The following ARHGAP15 variants were observed in gnomAD, a reference collection of about 807,000 sequenced individuals.
ARHGAP15 encodes the protein Rho GTPase activating protein 15.
A neutral mutation model predicts 63.7 loss-of-function variants in ARHGAP15; 51 were observed. The ratio of observed to expected loss-of-function variants is 0.80; its 90% CI spans 0.64 to 1.01. The LOEUF (loss-of-function observed/expected upper bound fraction) is 1.01, where lower values mean the gene tolerates loss of function less well. Ranked by LOEUF, ARHGAP15 falls within the 50% of genes least tolerant of loss-of-function variation. The probability of loss-of-function intolerance (pLI) is 0.00; values close to 1 mark genes in which losing one functional copy is unlikely to be tolerated. For missense variants in ARHGAP15, 560 were observed against 564.6 expected (o/e 0.99, Z 0.08); for synonymous variants, 191 against 193.8 (o/e 0.99, Z 0.12).
chr2:143,738,451 A>G (rs985986428), intron 13 of ARHGAP15, among the ~76,000 whole-genome samples: 5 of 152,148 alleles, frequency 3.3e-5, no homozygotes, highest in African/African-American at 7.2e-5. Flanking sequence ...AGATACCAAT[A>G]TTGTATAGGT....
chr2:143,246,799 C>A (rs1246778174), intron 5 of ARHGAP15, among the ~76,000 whole-genome samples: 1 of 151,994 alleles, frequency 6.6e-6, no homozygotes, highest in African/African-American at 2.4e-5. Flanking sequence ...ATCAGAAACA[C>A]ACGGATAAGA....
chr2:143,725,860 G>T (rs1315056380), intron 13 of ARHGAP15, among the ~76,000 whole-genome samples: 6 of 152,162 alleles, frequency 3.9e-5, no homozygotes, highest in Admixed American at 1.3e-4. Context: ...GGGACCAAAT[G>T]ATTTTTCCCC....
chr2:143,485,556 A>G lies in ARHGAP15; in HGVS notation c.704-1817A>G, dbSNP rs1574514472. Among the ~76,000 whole-genome samples, 3 of 152,140 alleles carry G rather than the reference A, an allele frequency of 2.0e-5. No individual in the cohort carries two copies. The South Asian group carries it at 6.2e-4, about 32-fold the overall frequency. ...ATAAATGAGAACTTCAGATGGCCCT[A>G]TAATTTTTCCAATCAGTTTAAGGCA... On this transcript the variant is annotated intron_variant, in intron 8 of 13. Transcript: ENST00000295095.
rs150774503 is a variant in ARHGAP15 at position 143,181,881 on chromosome 2, A to G, written c.166-20253A>G. 3.4e-3 allele frequency among the ~76,000 whole-genome samples: 520 copies of G among 152,108 alleles called. 7 individuals are homozygous for G. Among genetic ancestry groups the G allele is most frequent in the African/African-American group, 0.012 (498 of 41,492 alleles). ...ACAACTTGACTGGCACATAAAGCCT[A>G]GATTTCAGCTTAACTTGGTTTTTGA... On this transcript the variant is annotated intron_variant, in intron 2 of 13. Transcript: ENST00000295095.
At position 143,250,038 on chromosome 2, in the gene ARHGAP15, C is replaced by A. The variant is rs187591112; in HGVS notation, c.385-473C>A. Among the ~76,000 whole-genome samples, 3 of 152,170 alleles carry A rather than the reference C, an allele frequency of 2.0e-5. No homozygotes were observed. In the South Asian group the frequency reaches 6.2e-4, roughly 31 times the overall value. Reference sequence around the variant, plus strand: ...CTAGATGATGTAGTCAGATTCTAAGCAACTCTACTATAGTCGCAAAACTAA... The same window carrying A: ...CTAGATGATGTAGTCAGATTCTAAGAAACTCTACTATAGTCGCAAAACTAA... On this transcript the variant is annotated intron_variant, in intron 5 of 13. Transcript: ENST00000295095.
chr2:143,713,216 A>T (rs1268518770), intron 13 of ARHGAP15, among the ~76,000 whole-genome samples: 1 of 152,186 alleles, frequency 6.6e-6, no homozygotes, highest in Non-Finnish European at 1.5e-5. Flanking sequence ...CCTCAGAATC[A>T]TGGCGGGAGG....
At chr2:143,556,689 A>G (rs1695813849) in intron 11 of ARHGAP15, among the ~76,000 whole-genome samples, 1 of 152,092 alleles carries the variant, frequency 6.6e-6, no homozygotes, top group South Asian at 2.1e-4. Flanking sequence ...AAACAAATTA[A>G]TAGTCTATGT....
rs1308152572 is a variant in ARHGAP15 at position 143,768,244 on chromosome 2, AT to A, written c.*75del. ...AATATTTTTACATTTCTGTAAACAT[AT>A]TTCTGAAATATTTTTTGCCTTTCAA... is the stretch of plus-strand genomic sequence containing the variant. On this transcript the variant is annotated 3_prime_UTR_variant, in exon 14 of 14. Transcript: ENST00000295095. 6.9e-7 allele frequency: 1 copy of A among 1,450,000 alleles called. No homozygotes were observed. The highest frequency in any genetic ancestry group is 1.4e-5 in the African/African-American group (1 of 69,746). 89.8% of individuals were successfully genotyped at this position (1,450,000 alleles called of 1,614,324 possible). A position where few individuals can be genotyped will look rare whatever the true frequency, so the allele number is the denominator to read the frequency against.
At chr2:143,545,413 A>G (rs1262710500) in intron 10 of ARHGAP15, among the ~76,000 whole-genome samples, 2 of 152,224 alleles carry the variant, frequency 1.3e-5, no homozygotes, top group African/African-American at 2.4e-5. Context: ...TTTTACCTTC[A>G]GGGCAGAGTT....
At position 143,275,550 on chromosome 2, in the gene ARHGAP15, G is replaced by A. The variant is rs539744572; in HGVS notation, c.474+24950G>A. On this transcript the variant is annotated intron_variant, in intron 6 of 13. Coordinates refer to ENST00000295095, the MANE Select transcript of ARHGAP15 (RefSeq NM_018460.4). ...TTCATTCCTCCACCTGGTTAAGTTCGTATATGTGAGATTATTCTCATTACT... is the reference window on the plus strand; with the variant it reads ...TTCATTCCTCCACCTGGTTAAGTTCATATATGTGAGATTATTCTCATTACT... 2.4e-4 allele frequency among the ~76,000 whole-genome samples: 36 copies of A among 152,246 alleles called. No homozygotes were observed. In the East Asian group the frequency reaches 3.7e-3, roughly 15 times the overall value.
chr2:143,215,580 A>C (rs1383595425), intron 3 of ARHGAP15, among the ~76,000 whole-genome samples: 1 of 152,168 alleles, frequency 6.6e-6, no homozygotes, highest in Admixed American at 6.5e-5. Flanking sequence ...CTAAGAGTGA[A>C]AGATGAAGGC....
chr2:143,682,533 C>T (rs890491725), intron 12 of ARHGAP15: 3 of 152,048 alleles, frequency 2.0e-5, no homozygotes, highest in South Asian at 2.1e-4. Context: ...CACACACATG[C>T]ACAGATATAT....
intron 6 of ARHGAP15, among the ~76,000 whole-genome samples, chr2:143,354,668 G>A (rs767897814): frequency 5.3e-5 from 8 of 152,082 alleles, no homozygotes; most frequent in Admixed American, 1.3e-4. Context: ...GTGTTAATTC[G>A]TAGCTTGAAT....
chr2:143,246,276 A>G (rs1016543645), intron 5 of ARHGAP15, among the ~76,000 whole-genome samples: 3 of 152,028 alleles, frequency 2.0e-5, no homozygotes, highest in East Asian at 1.9e-4. Flanking sequence ...TGAGAAATCA[A>G]TATTAAGCTT....
At chr2:143,370,139 A>G (rs1196706933) in intron 6 of ARHGAP15, among the ~76,000 whole-genome samples, 1 of 152,162 alleles carries the variant, frequency 6.6e-6, no homozygotes, top group Non-Finnish European at 1.5e-5. Flanking sequence ...CTAAGGAATG[A>G]TAACACAAAC....
chr2:143,747,119 T>C (rs1198144956), intron 13 of ARHGAP15, among the ~76,000 whole-genome samples: 2 of 151,966 alleles, frequency 1.3e-5, no homozygotes, highest in Non-Finnish European at 2.9e-5. Flanking sequence ...TTAGGACAAA[T>C]ACCTAATGCA....
intron 6 of ARHGAP15, among the ~76,000 whole-genome samples, chr2:143,358,861 G>T (rs1685920203): frequency 6.6e-6 from 1 of 151,392 alleles, no homozygotes; most frequent in African/African-American, 2.4e-5. Context: ...TAAAAATATT[G>T]AGTGGGTAGC....
At chr2:143,233,220 GC>G (rs1406869800) in intron 5 of ARHGAP15, among the ~76,000 whole-genome samples, 1 of 151,644 alleles carries the variant, frequency 6.6e-6, no homozygotes, top group Non-Finnish European at 1.5e-5. Context: ...CCTTGGACTT[GC>G]TTTCTAGGAT....
chr2:143,539,649 T>C (rs1306677228), intron 10 of ARHGAP15, among the ~76,000 whole-genome samples: 1 of 152,220 alleles, frequency 6.6e-6, no homozygotes, highest in East Asian at 1.9e-4. Context: ...CCAGTAGTCA[T>C]TCAGGAGCAG....
Sources: gnomAD v4.1 joint callset for allele counts (sites outside exome capture counted in the v4.1 genomes callset) on GRCh38, gnomAD v4.1.1 for gene constraint, MANE v1.5 for transcripts, NCBI Gene and HGNC (gene_info 2026-07-23, HGNC 2026-07-21) for gene names.